MLLT3: variants seen among roughly 807,000 people sequenced by gnomAD.
The protein encoded by MLLT3 is MLLT3 super elongation complex subunit, also known as protein AF-9.
A neutral mutation model predicts 53.2 loss-of-function variants in MLLT3; 4 were observed. The observed-to-expected ratio is 0.08, with a 90% CI of 0.04 to 0.17. The LOEUF is 0.17. Among genes scored for constraint, MLLT3 ranks in the 10% least tolerant of loss-of-function variants. The probability of loss-of-function intolerance (pLI) is 1.00; values close to 1 mark genes in which losing one functional copy is unlikely to be tolerated. For synonymous variants in MLLT3, 283 were observed against 230.6 expected (o/e 1.23, Z -2.06); for missense variants, 569 against 684.0 (o/e 0.83, Z 1.87).
chr9:20,350,016 A>T (rs1448433147), intron 10 of MLLT3, among the ~76,000 whole-genome samples: 1 of 152,246 alleles, frequency 6.6e-6, no homozygotes, highest in Non-Finnish European at 1.5e-5. Context: ...CCACATCCTC[A>T]TTTAAGTAAG....
chr9:20,526,692 A>G lies in MLLT3; in HGVS notation c.194-69906T>C, dbSNP rs1001760921. ...ATATGCACATTCCTAGGAGTAGAAC[A>G]GCTAGATCCTTGGGTATGTTTATGT... On this transcript the variant is annotated intron_variant, in intron 2 of 10. Transcript: ENST00000380338. 3.3e-5 allele frequency among the ~76,000 whole-genome samples: 5 copies of G among 152,326 alleles called. No homozygotes were observed. In the East Asian group the frequency reaches 7.7e-4, roughly 23 times the overall value.
intron 6 of MLLT3, among the ~76,000 whole-genome samples, chr9:20,365,161 C>T (rs760138631): frequency 2.9e-4 from 44 of 152,226 alleles, no homozygotes; most frequent in Non-Finnish European, 5.6e-4. Context: ...CAATGACAAT[C>T]TGATGGCAGG....
chr9:20,448,034 T>A lies in MLLT3; in HGVS notation c.420+89A>T. 1 of 1,430,250 alleles carries A rather than the reference T, an allele frequency of 7.0e-7. No individual in the cohort carries two copies. The highest frequency in any genetic ancestry group is 9.5e-7 in the Non-Finnish European group (1 of 1,054,282). The allele number at this position is 1,430,250 out of a possible 1,614,324, so 88.6% of individuals were successfully genotyped here. On this transcript the variant is annotated intron_variant, in intron 4 of 10. Coordinates refer to ENST00000380338, the MANE Select transcript of MLLT3 (RefSeq NM_004529.4). The surrounding 1 kb of genome is among the most constrained non-coding windows in gnomAD (Gnocchi z 4.0). ...TACCTCTCCCAAAACCTTATACTTT[T>A]TAACACATGAGGAACTAGTTTGTTT... is the stretch of plus-strand genomic sequence containing the variant.
rs12686167 is a variant in MLLT3 at position 20,521,824 on chromosome 9, T to C, written c.194-65038A>G. 0.011 allele frequency among the ~76,000 whole-genome samples: 1,658 copies of C among 152,258 alleles called. 78 individuals carry two copies. In the East Asian group the frequency reaches 0.16, roughly 15 times the overall value. ...ATTAAGACCAGCTAGAACTCATTAA[T>C]TGCTGAAAAAATAGCCGTAATATTC... On this transcript the variant is annotated intron_variant, in intron 2 of 10. Transcript: ENST00000380338.
intron 5 of MLLT3, among the ~76,000 whole-genome samples, chr9:20,396,595 T>G (rs1822327456): frequency 2.0e-5 from 3 of 152,072 alleles, no homozygotes; most frequent in Non-Finnish European, 4.4e-5. Context: ...TCTGCTTGCC[T>G]GGGCCCAAAG....
intron 2 of MLLT3, among the ~76,000 whole-genome samples, chr9:20,574,601 T>C (rs1449493667): frequency 1.3e-5 from 2 of 152,202 alleles, no homozygotes; most frequent in Non-Finnish European, 2.9e-5. Context: ...CTTAAAAAAA[T>C]GCTAATGATC....
At chr9:20,383,729 A>G (rs1821962189) in intron 5 of MLLT3, among the ~76,000 whole-genome samples, 1 of 151,962 alleles carries the variant, frequency 6.6e-6, no homozygotes. Context: ...TCTTCCCTGA[A>G]AAACACTTGA....
chr9:20,585,779 T>C (rs536256761), intron 2 of MLLT3, among the ~76,000 whole-genome samples: 3 of 152,352 alleles, frequency 2.0e-5, no homozygotes, highest in African/African-American at 4.8e-5. Flanking sequence ...TCTTGGAGCA[T>C]GATCACCAGG....
chr9:20,534,516 G>C (rs1459141244), intron 2 of MLLT3, among the ~76,000 whole-genome samples: 2 of 152,106 alleles, frequency 1.3e-5, no homozygotes, highest in Non-Finnish European at 2.9e-5. Flanking sequence ...ACTCTGCTTT[G>C]TCCTCCTTGG....
intron 5 of MLLT3, among the ~76,000 whole-genome samples, chr9:20,386,033 C>G (rs1454935148): frequency 1.3e-5 from 2 of 152,110 alleles, no homozygotes; most frequent in Non-Finnish European, 2.9e-5. Flanking sequence ...CCTGTTGTCC[C>G]TTAGGTTGAA....
chr9:20,557,026 C>G (rs114889150), intron 2 of MLLT3, among the ~76,000 whole-genome samples: 2 of 152,110 alleles, frequency 1.3e-5, no homozygotes, highest in Non-Finnish European at 2.9e-5. Flanking sequence ...AGAAGAAGAA[C>G]GCAACCTACT....
At chr9:20,525,572 T>C (rs540961213) in intron 2 of MLLT3, among the ~76,000 whole-genome samples, 1 of 152,348 alleles carries the variant, frequency 6.6e-6, no homozygotes, top group African/African-American at 2.4e-5. Flanking sequence ...AGCTCTTGTT[T>C]TCATTCCTCC....
chr9:20,552,152 G>C (rs1251160794), intron 2 of MLLT3, among the ~76,000 whole-genome samples: 1 of 152,180 alleles, frequency 6.6e-6, no homozygotes, highest in African/African-American at 2.4e-5. Context: ...AGAGGACAGT[G>C]AGCAACAGTA....
chr9:20,442,118 T>C (rs1334675363), intron 4 of MLLT3, among the ~76,000 whole-genome samples: 1 of 152,158 alleles, frequency 6.6e-6, no homozygotes, highest in East Asian at 1.9e-4. Flanking sequence ...TGAAAATGGC[T>C]TTTTAAGCAT....
intron 2 of MLLT3, among the ~76,000 whole-genome samples, chr9:20,507,502 G>A (rs1587005857): frequency 6.6e-6 from 1 of 151,978 alleles, no homozygotes; most frequent in Non-Finnish European, 1.5e-5. Flanking sequence ...CTTAAAGCTT[G>A]CCTTTAAAAA....
At position 20,357,252 on chromosome 9, in the gene MLLT3, C is replaced by A. The variant is rs540593986; in HGVS notation, c.1432-2373G>T. Among the ~76,000 whole-genome samples the A allele has an allele frequency of 2.0e-5, 3 of 152,314 alleles. No homozygotes were observed. The South Asian group carries it at 6.2e-4, about 32-fold the overall frequency. The stretch of plus-strand genomic sequence containing the variant: ...TTCCTTCCTTCAAGTCCTTTCTCCC[C>A]TCCCTCCCTGCCAAGCTTCTGGCTA... On this transcript the variant is annotated intron_variant, in intron 8 of 10. Coordinates refer to ENST00000380338, the MANE Select transcript of MLLT3 (RefSeq NM_004529.4).
At position 20,414,273 on chromosome 9, in the gene MLLT3, G is replaced by T. The variant is rs376480628; in HGVS notation, c.573C>A (p.Thr191=). The T allele has an allele frequency of 1.2e-5, 19 of 1,612,498 alleles. No individual in the cohort carries two copies. Among genetic ancestry groups the T allele is most frequent in the Middle Eastern group, 1.8e-4 (1 of 5,638 alleles). ...SSSSSSSSSS[T]SFSKPHKLMK... ...TTAATTTGTGAGGCTTTGAAAAACT[G>T]GTACTACTGCTGCTGCTGCTGCTGC... The change falls in exon 5 of 11, where the codon ACC becomes ACA. Residue 191 remains threonine, a synonymous_variant. Transcript: ENST00000380338.
rs146093220 is a variant in MLLT3, at chr9:20,343,271, A to T, written c.*3172T>A. 1.8e-3 allele frequency: 346 copies of T among 191,576 alleles called. 2 individuals are homozygous for T. The highest frequency in any genetic ancestry group is 7.3e-3 in the African/African-American group (307 of 42,320). 11.9% of individuals were successfully genotyped at this position (191,576 alleles called of 1,614,324 possible). ...AATATTACTGGCTCTTTCCACCAAA[A>T]GGTGAATATTCAGATTAGAGAGATT... On this transcript the variant is annotated 3_prime_UTR_variant, in exon 11 of 11. Transcript: ENST00000380338.
intron 10 of MLLT3, among the ~76,000 whole-genome samples, chr9:20,352,702 T>A: frequency 7.0e-6 from 1 of 143,708 alleles, no homozygotes; most frequent in African/African-American, 2.6e-5. Flanking sequence ...CCACCAGCCA[T>A]TAAATGTTAA....
Sources: allele counts gnomAD v4.1 joint callset (sites outside exome capture counted in the v4.1 genomes callset), GRCh38; gene constraint gnomAD v4.1.1; non-coding constraint Gnocchi (gnomAD v3.1); transcripts MANE v1.5; gene names NCBI Gene and HGNC (gene_info 2026-07-23, HGNC 2026-07-21).